The following CACNA1S variants were observed in gnomAD, a reference collection of about 807,000 sequenced individuals.
The protein encoded by CACNA1S is calcium voltage-gated channel subunit alpha1 S, also known as voltage-dependent L-type calcium channel subunit alpha-1S.
In CACNA1S, 126 loss-of-function variants were observed where a neutral mutation model predicts 207.4. That is an observed-to-expected ratio of 0.61 (90% CI 0.53 to 0.70). The LOEUF is 0.70. CACNA1S is among the 30% of genes least tolerant of loss of function. The pLI is 0.00. For missense variants in CACNA1S, 2,349 were observed against 2,422.8 expected, an observed-to-expected ratio of 0.97 and a Z score of 0.64; for synonymous variants, 960 against 932.7, an observed-to-expected ratio of 1.03 and a Z score of -0.53.
At chr1:201,048,535 C>G in intron 36 of CACNA1S, 47 bp downstream of exon 36, 1 of 1,442,382 alleles carries the variant, frequency 6.9e-7, no homozygotes, top group East Asian at 2.3e-5. Context: ...GTGCCAGAAA[C>G]AGCCTCTGGG....
In CACNA1S at chr1:201,069,457, G is replaced by A; in HGVS notation, c.2490+15C>T. The A allele has an allele frequency of 6.2e-7, 1 of 1,606,192 alleles. No homozygotes were observed. Among genetic ancestry groups the A allele is most frequent in the African/African-American group, 1.3e-5 (1 of 75,038 alleles). Reference sequence around the variant, plus strand: ...GGCAGGGGTGCTGAGTGGCAGAGAGGGTGAAGCCCGTCACCTGATTTCTCA... The same window carrying A: ...GGCAGGGGTGCTGAGTGGCAGAGAGAGTGAAGCCCGTCACCTGATTTCTCA... On this transcript the variant is annotated intron_variant, in intron 18 of 43. Transcript: ENST00000362061.
rs1434711051 is a variant in CACNA1S, at chr1:201,089,476, G to T, written c.695-13C>A. The T allele has an allele frequency of 6.2e-7, 1 of 1,613,074 alleles. No homozygotes were observed. The highest frequency in any genetic ancestry group is 1.7e-5 in the Admixed American group (1 of 60,002). ...GTGGCCACGATATCTGGAGGCAGAA[G>T]GCAAAGGGAACATCAGACAACAGTA... On this transcript the variant is annotated splice_polypyrimidine_tract_variant and intron_variant, in intron 5 of 43. Transcript: ENST00000362061.
At chr1:201,081,211 C>T (rs541464766) in intron 10 of CACNA1S, among the ~76,000 whole-genome samples, 21 of 152,354 alleles carry the variant, frequency 1.4e-4, no homozygotes, top group Non-Finnish European at 2.4e-4. Flanking sequence ...AACCCAGCTG[C>T]TACCCATTAG....
Position 201,060,699 on chromosome 1 carries a change from A to G in CACNA1S, c.3373T>C (p.Phe1125Leu). ...ATGGTGTTGAGCATGATGAGGGCAA[A>G]CATCAGGTATTCAAAGTAGGAGGAG... ...VTSSYFEYLM[F>L]ALIMLNTICL... Residue 1125 changes from phenylalanine (F) to leucine (L), a missense_variant, in exon 26 of 44, where the codon TTT becomes CTT. Phe to Leu is a conservative substitution (Grantham distance 22, BLOSUM62 0). Coordinates refer to ENST00000362061, the MANE Select transcript of CACNA1S (RefSeq NM_000069.3). The G allele has an allele frequency of 1.2e-6, 2 of 1,614,200 alleles. No individual in the cohort carries two copies. The highest frequency in any genetic ancestry group is 1.6e-4 in the Middle Eastern group (1 of 6,062).
intron 3 of CACNA1S, among the ~76,000 whole-genome samples, chr1:201,093,130 T>C (rs1464085269): frequency 1.3e-5 from 2 of 152,236 alleles, no homozygotes; most frequent in Non-Finnish European, 2.9e-5. Context: ...TGGGTAGAGA[T>C]ATGTTCCTTC....
rs144031628 is a variant in CACNA1S, at chr1:201,068,707, T to C, written c.2550+430A>G. On this transcript the variant is annotated intron_variant, in intron 19 of 43. Coordinates refer to ENST00000362061, the MANE Select transcript of CACNA1S (RefSeq NM_000069.3). ...CCAACATGGTGAAACCCTGTCTCTG[T>C]TAAAAATACAAAAAATTAGCTGGGT... Among the ~76,000 whole-genome samples, 634 of 151,614 alleles carry C rather than the reference T, an allele frequency of 4.2e-3. 17 individuals are homozygous for C. Among genetic ancestry groups the C allele is most frequent in the Admixed American group, 0.036 (551 of 15,270 alleles).
At chr1:201,075,674 G>A (rs1661587455) in intron 12 of CACNA1S, 59 bp from the exon 13 acceptor site, 2 of 1,578,278 alleles carry the variant, frequency 1.3e-6, no homozygotes, top group Non-Finnish European at 8.7e-7. Context: ...GTCTTCTATT[G>A]GGACCGCATT....
Position 201,077,416 on chromosome 1 carries a change from C to T in CACNA1S, c.1620-289G>A, listed in dbSNP as rs78123963. Among the ~76,000 whole-genome samples, 2,674 of 152,272 alleles carry T rather than the reference C, an allele frequency of 0.018. 89 individuals carry two copies. Among genetic ancestry groups the T allele is most frequent in the African/African-American group, 0.062 (2,555 of 41,518 alleles). On this transcript the variant is annotated intron_variant, in intron 11 of 43. Coordinates refer to ENST00000362061, the MANE Select transcript of CACNA1S (RefSeq NM_000069.3). Reference sequence around the variant, plus strand: ...TAAGGACAGCTTTTCTCCTGTGCACCCTCGATGCCCTGTGCTTAGCACAGT... The same window carrying T: ...TAAGGACAGCTTTTCTCCTGTGCACTCTCGATGCCCTGTGCTTAGCACAGT...
chr1:201,040,566 T>A, intron 42 of CACNA1S, 56 bp downstream of exon 42: 1 of 1,528,554 alleles, frequency 6.5e-7, no homozygotes, highest in Non-Finnish European at 9.1e-7. Flanking sequence ...ACTCCAAGTA[T>A]CAGGCCAGGC....
At chr1:201,059,457 A>G (rs1043406700) in intron 26 of CACNA1S, among the ~76,000 whole-genome samples, 158 bp from the exon 27 acceptor site, 1 of 152,204 alleles carries the variant, frequency 6.6e-6, no homozygotes, top group Non-Finnish European at 1.5e-5. Context: ...AAGCTGCTTT[A>G]GCAATCCCCT....
chr1:201,085,359 G>C, intron 8 of CACNA1S, 77 bp downstream of exon 8: 1 of 1,582,416 alleles, frequency 6.3e-7, no homozygotes, highest in African/African-American at 1.3e-5. Context: ...TGCTCAGTGG[G>C]CCTGATTGCA....
chr1:201,069,449 G>T, intron 18 of CACNA1S, 23 bp downstream of exon 18: 3 of 1,606,010 alleles, frequency 1.9e-6, no homozygotes, highest in Non-Finnish European at 2.5e-6. Flanking sequence ...GTGCTGAGTG[G>T]CAGAGAGGGT....
At chr1:201,095,152 A>G (rs1427853104) in intron 2 of CACNA1S, among the ~76,000 whole-genome samples, 91 of 150,410 alleles carry the variant, frequency 6.1e-4, no homozygotes, top group Non-Finnish European at 1.2e-3. Flanking sequence ...GTATACATAT[A>G]TATACATATA....
At chr1:201,085,111 A>G in intron 8 of CACNA1S, 80 bp from the exon 9 acceptor site, 1 of 984,282 alleles carries the variant, frequency 1.0e-6, no homozygotes, top group Non-Finnish European at 1.6e-6. Flanking sequence ...ACCCGAGACA[A>G]GGGCCCATTG....
At position 201,053,106 on chromosome 1, in the gene CACNA1S, G is replaced by A. The variant is rs568206127; in HGVS notation, c.3861+103C>T. The stretch of plus-strand genomic sequence containing the variant: ...TTCTCACGAGCAAGGCAGGGAGGGC[G>A]GAGGGTCCAGCCCGTGTGCTGCTCA... On this transcript the variant is annotated intron_variant, in intron 31 of 43. Coordinates refer to ENST00000362061, the MANE Select transcript of CACNA1S (RefSeq NM_000069.3). This position sits in a 1 kb window ranked among gnomAD's most constrained non-coding sequence, Gnocchi z 5.1. The A allele has an allele frequency of 4.8e-5, 62 of 1,286,430 alleles. No homozygotes were observed. Among genetic ancestry groups the A allele is most frequent in the Admixed American group, 4.0e-4 (24 of 59,542 alleles). The allele number at this position is 1,286,430 out of a possible 1,614,324, so 79.7% of individuals were successfully genotyped here.
intron 2 of CACNA1S, among the ~76,000 whole-genome samples, chr1:201,095,121 G>GATGTGT (rs1662371190): frequency 6.7e-6 from 1 of 148,860 alleles, no homozygotes; most frequent in Non-Finnish European, 1.5e-5. Flanking sequence ...AGCTCCAGGA[G>GATGTGT]GTGTGTGTGT....
In CACNA1S at chr1:201,072,746, C is replaced by T; in HGVS notation, c.2227+9G>A. 3 of 1,609,878 alleles carry T rather than the reference C, an allele frequency of 1.9e-6. No homozygotes were observed. Among genetic ancestry groups the T allele is most frequent in the Non-Finnish European group, 2.6e-6 (3 of 1,176,160 alleles). ...CACCCTGCTCCAGTCCAGTCTCCAG[C>T]ATCCTCACCTGGGAAGTCGGCTGAG... On this transcript the variant is annotated intron_variant, in intron 16 of 43. Transcript: ENST00000362061.
At chr1:201,052,994 C>T (rs1208203343) in intron 31 of CACNA1S, among the ~76,000 whole-genome samples, 1 of 152,066 alleles carries the variant, frequency 6.6e-6, no homozygotes, top group Non-Finnish European at 1.5e-5. Flanking sequence ...CCCCTGCTGT[C>T]CACCCACATG....
At chr1:201,070,158 T>C in intron 17 of CACNA1S, 114 bp downstream of exon 17, 1 of 1,158,290 alleles carries the variant, frequency 8.6e-7, no homozygotes, top group South Asian at 1.3e-5. Context: ...GCTAAAACAC[T>C]GAGTTTCTCA....
Sources: gnomAD v4.1 joint callset for allele counts (sites outside exome capture counted in the v4.1 genomes callset) on GRCh38, gnomAD v4.1.1 for gene constraint, Gnocchi (gnomAD v3.1) non-coding constraint, MANE v1.5 for transcripts, NCBI Gene and HGNC (gene_info 2026-07-23, HGNC 2026-07-21) for gene names.